CCDC77: variants seen among roughly 807,000 people sequenced by gnomAD.
CCDC77 encodes coiled-coil domain-containing protein 77.
Under a neutral mutation model 66.8 loss-of-function variants are expected in CCDC77, and 56 were observed. The ratio of observed to expected loss-of-function variants is 0.84; its 90% CI spans 0.68 to 1.05. The LOEUF is 1.05. CCDC77 is among the 50% of genes least tolerant of loss of function. CCDC77 has a pLI of 0.00. For synonymous variants in CCDC77, 196 were observed against 195.2 expected (o/e 1.00, Z -0.03); for missense variants, 570 against 576.8 (o/e 0.99, Z 0.12).
intron 5 of CCDC77, among the ~76,000 whole-genome samples, chr12:427,840 C>G (rs1945564079): frequency 6.6e-6 from 1 of 152,166 alleles, no homozygotes; most frequent in Non-Finnish European, 1.5e-5. Flanking sequence ...GTTGAGTTCT[C>G]TGGGAAACAG....
Position 442,064 on chromosome 12 carries a change from G to C in CCDC77, c.*144G>C. On this transcript the variant is annotated 3_prime_UTR_variant, in exon 13 of 13. Coordinates refer to ENST00000239830, the MANE Select transcript of CCDC77 (RefSeq NM_032358.4). ...TTGTAAAGACAGCTTGAAGAATCGG[G>C]GACCACTAGGAAAGCTTTTCTTGCA... The C allele has an allele frequency of 1.2e-6, 1 of 834,040 alleles. No homozygotes were observed. The highest frequency in any genetic ancestry group is 1.9e-6 in the Non-Finnish European group (1 of 531,428). 51.7% of individuals were successfully genotyped at this position (834,040 alleles called of 1,614,324 possible).
chr12:437,899 G>C (rs571375899), intron 9 of CCDC77, among the ~76,000 whole-genome samples: 2 of 147,162 alleles, frequency 1.4e-5, no homozygotes, highest in South Asian at 4.4e-4. Flanking sequence ...ATAAGATTTT[G>C]ATATAGGCAG....
chr12:423,890 C>G (rs528633741), intron 5 of CCDC77, among the ~76,000 whole-genome samples: 1 of 152,238 alleles, frequency 6.6e-6, no homozygotes, highest in Admixed American at 6.6e-5. Flanking sequence ...GAGCATCTTT[C>G]TTGTGCCATT....
chr12:441,799 A>C lies in CCDC77; in HGVS notation c.1346A>C (p.Gln449Pro). The change falls in exon 13 of 13, where the codon CAG (glutamine) becomes CCG (proline). Residue 449 changes from glutamine (Q) to proline (P), a missense_variant. Transcript: ENST00000239830. ...GCAACAGTTAATGCCCGGGCAAACC[A>C]GGATCTTGCCCTTCTGTGTGAGGTC... ...YKATVNARAN[Q>P]DLALLCEVRD... 1.9e-6 allele frequency: 3 copies of C among 1,611,340 alleles called. No homozygotes were observed. Among genetic ancestry groups the C allele is most frequent in the Non-Finnish European group, 1.7e-6 (2 of 1,179,596 alleles).
At chr12:428,457 G>A (rs1945576973) in intron 5 of CCDC77, among the ~76,000 whole-genome samples, 1 of 133,006 alleles carries the variant, frequency 7.5e-6, no homozygotes, top group Non-Finnish European at 1.5e-5. Flanking sequence ...GTTGCAGTGA[G>A]CCAAGACCGC....
In CCDC77 at chr12:431,757, C is replaced by T. The variant is rs1591989794; in HGVS notation, c.584-109C>T. The T allele has an allele frequency of 1.0e-5, 7 of 668,300 alleles. No homozygotes were observed. The East Asian group carries it at 1.9e-4, about 18-fold the overall frequency. 41.4% of individuals were successfully genotyped at this position (668,300 alleles called of 1,614,324 possible). ...CATTAGTGAGAACCCCTTCATTACCCTTACAGGTAAATGAATCTGAACTCC... is the reference window on the plus strand; with the variant it reads ...CATTAGTGAGAACCCCTTCATTACCTTTACAGGTAAATGAATCTGAACTCC... On this transcript the variant is annotated intron_variant, in intron 7 of 12. Transcript: ENST00000239830.
intron 4 of CCDC77, among the ~76,000 whole-genome samples, chr12:415,265 C>T (rs1945202866): frequency 7.3e-6 from 1 of 136,108 alleles, no homozygotes; most frequent in Middle Eastern, 3.8e-3. Context: ...TATTTATTAA[C>T]ATAATTATTA....
Position 431,917 on chromosome 12 carries a change from A to C in CCDC77, c.635A>C (p.Glu212Ala), listed in dbSNP as rs953914325. ...TCGAGAGAGAGAAAAGAAAGTTCTG[A>C]GCATTACCAAAGAGACATACAGACA... ...RPSRERKESS[E>A]HYQRDIQTLI... The change falls in exon 8 of 13, where the codon GAG becomes GCG. Residue 212 changes from glutamate (E) to alanine (A), a missense_variant. Coordinates refer to ENST00000239830, the MANE Select transcript of CCDC77 (RefSeq NM_032358.4). The C allele has an allele frequency of 1.2e-6, 2 of 1,612,644 alleles. No individual in the cohort carries two copies. The highest frequency in any genetic ancestry group is 1.7e-6 in the Non-Finnish European group (2 of 1,179,124).
At chr12:409,167 T>A (rs995660072) in intron 2 of CCDC77, among the ~76,000 whole-genome samples, 9 of 147,728 alleles carry the variant, frequency 6.1e-5, no homozygotes, top group African/African-American at 1.3e-4. Flanking sequence ...ATCACACCAC[T>A]GCACTCCAGC....
Position 439,737 on chromosome 12 carries a change from G to A in CCDC77, c.1042-880G>A, listed in dbSNP as rs890596970. ...AGAGGTTGCAGTGAGCCGAGATCGC[G>A]CCACTGCACTCCAGCCCAGTGACAG... is the stretch of plus-strand genomic sequence containing the variant. On this transcript the variant is annotated intron_variant, in intron 10 of 12. Transcript: ENST00000239830. 2.0e-5 allele frequency among the ~76,000 whole-genome samples: 3 copies of A among 151,560 alleles called. No individual in the cohort carries two copies. In the East Asian group the frequency reaches 5.8e-4, roughly 29 times the overall value.
In CCDC77 at chr12:442,150, G is replaced by T; in HGVS notation, c.*230G>T. 2.1e-6 allele frequency: 1 copy of T among 480,820 alleles called. No homozygotes were observed. 29.8% of individuals were successfully genotyped at this position (480,820 alleles called of 1,614,324 possible). ...AACACTTGCGAGGAGTAGGGGCCTGGTCCTGAATGACTTGGAGGCTTTCAT... is the reference window on the plus strand; with the variant it reads ...AACACTTGCGAGGAGTAGGGGCCTGTTCCTGAATGACTTGGAGGCTTTCAT... On this transcript the variant is annotated 3_prime_UTR_variant, in exon 13 of 13. Transcript: ENST00000239830.
chr12:417,870 C>T (rs1945317326), intron 4 of CCDC77, among the ~76,000 whole-genome samples: 1 of 151,508 alleles, frequency 6.6e-6, no homozygotes, highest in African/African-American at 2.4e-5. Context: ...CCACCGCATT[C>T]CAGCCTGGGC....
rs886797146 is a variant in CCDC77, at chr12:417,653, G to A, written c.271-841G>A. On this transcript the variant is annotated intron_variant, in intron 4 of 12. Transcript: ENST00000239830. Reference sequence around the variant, plus strand: ...GGATAGGCTAGGTGTGGTGGCTCACGCCTGTAATCCCAGCACTTTGGGAGG... The same window carrying A: ...GGATAGGCTAGGTGTGGTGGCTCACACCTGTAATCCCAGCACTTTGGGAGG... Among the ~76,000 whole-genome samples the A allele has an allele frequency of 5.3e-5, 8 of 152,184 alleles. No homozygotes were observed. The East Asian group carries it at 5.8e-4, about 11-fold the overall frequency.
intron 7 of CCDC77, among the ~76,000 whole-genome samples, chr12:431,237 A>C (rs927711240): frequency 9.2e-6 from 1 of 109,170 alleles, no homozygotes; most frequent in Non-Finnish European, 1.9e-5. Context: ...TTTTCTTTTG[A>C]GATAGAGTTT....
At chr12:438,722 G>T (rs978768864) in intron 10 of CCDC77, 168 bp downstream of exon 10, 2 of 560,480 alleles carry the variant, frequency 3.6e-6, no homozygotes, top group Non-Finnish European at 6.3e-6. Flanking sequence ...AGTATTTGGG[G>T]ATTCAAAATA....
chr12:433,074 G>A (rs1945680336), intron 8 of CCDC77, 100 bp from the exon 9 acceptor site: 2 of 1,259,794 alleles, frequency 1.6e-6, no homozygotes, highest in East Asian at 2.3e-5. Flanking sequence ...TTTTGTTTGT[G>A]TTTGTTTTTT....
At chr12:416,383 A>ATATATATATATATATG (rs1945277626) in intron 4 of CCDC77, among the ~76,000 whole-genome samples, 1 of 24,160 alleles carries the variant, frequency 4.1e-5, no homozygotes, top group African/African-American at 2.1e-4. Context: ...GTGTGTATAT[A>ATATATATATATATATG]TATATATATA....
intron 1 of CCDC77, among the ~76,000 whole-genome samples, chr12:404,172 T>G (rs921037628): frequency 6.6e-6 from 1 of 151,998 alleles, no homozygotes; most frequent in Non-Finnish European, 1.5e-5. Context: ...CAAAAAAAAT[T>G]AGCCACAGTG....
intron 10 of CCDC77, among the ~76,000 whole-genome samples, chr12:438,893 C>T (rs1308663848): frequency 1.3e-5 from 2 of 150,848 alleles, no homozygotes; most frequent in African/African-American, 4.9e-5. Context: ...ATGGTGAAAC[C>T]CCGTCTCTAC....
Sources: allele counts gnomAD v4.1 joint callset (sites outside exome capture counted in the v4.1 genomes callset), GRCh38; gene constraint gnomAD v4.1.1; transcripts MANE v1.5; gene names NCBI Gene and HGNC (gene_info 2026-07-23, HGNC 2026-07-21).